LRP1B: variants seen among roughly 807,000 people sequenced by gnomAD.
LRP1B encodes LDL receptor related protein 1B.
In LRP1B, 217 loss-of-function variants were observed where a neutral mutation model predicts 556.6. The observed-to-expected ratio is 0.39, with a 90% CI of 0.35 to 0.44. LRP1B has a LOEUF of 0.44. LRP1B is among the 20% of genes least tolerant of loss of function. The probability of loss-of-function intolerance (pLI) is 1.00; values close to 1 mark genes in which losing one functional copy is unlikely to be tolerated. For synonymous variants in LRP1B, 2,047 were observed against 1,865.8 expected (o/e 1.10, Z -2.50); for missense variants, 5,053 against 5,620.8 (o/e 0.90, Z 3.23).
chr2:141,237,354 T>G (rs73962869), intron 5 of LRP1B, among the ~76,000 whole-genome samples: 14,030 of 45,246 alleles, frequency 0.31, 1,141 homozygotes, highest in African/African-American at 0.42. Flanking sequence ...TGTTCTAGTG[T>G]TTTTTTTTTT....
chr2:141,307,711 T>C (rs1234440716), intron 3 of LRP1B, among the ~76,000 whole-genome samples: 1 of 152,158 alleles, frequency 6.6e-6, no homozygotes, highest in Admixed American at 6.5e-5. Context: ...GTGATGACAG[T>C]GGTGGGCTGA....
At chr2:140,791,493 G>C (rs1187270223) in intron 32 of LRP1B, among the ~76,000 whole-genome samples, 1 of 151,980 alleles carries the variant, frequency 6.6e-6, no homozygotes, top group Non-Finnish European at 1.5e-5. Flanking sequence ...CGGCATTCTA[G>C]GCAGGTTGTG....
At chr2:141,928,018 C>T (rs1379497293) in intron 1 of LRP1B, among the ~76,000 whole-genome samples, 1 of 151,850 alleles carries the variant, frequency 6.6e-6, no homozygotes, top group Non-Finnish European at 1.5e-5. Flanking sequence ...TTTTCCTGTC[C>T]CTTCCTGTTT....
intron 35 of LRP1B, among the ~76,000 whole-genome samples, chr2:140,760,346 C>G (rs1192576772): frequency 6.6e-6 from 1 of 152,158 alleles, no homozygotes; most frequent in African/African-American, 2.4e-5. Context: ...TTGGCAGCAT[C>G]CCTGGCTTTC....
chr2:140,690,139 A>T (rs954928973), intron 41 of LRP1B, among the ~76,000 whole-genome samples: 1 of 152,118 alleles, frequency 6.6e-6, no homozygotes, highest in African/African-American at 2.4e-5. Flanking sequence ...GACCTGAAAA[A>T]AAAACCTTTA....
At chr2:141,949,294 A>G (rs1209830469) in intron 1 of LRP1B, among the ~76,000 whole-genome samples, 5 of 151,986 alleles carry the variant, frequency 3.3e-5, no homozygotes, top group African/African-American at 1.2e-4. Context: ...GCATTCAGAA[A>G]CTCACCGTCT....
chr2:140,767,194 T>C (rs1223347486), intron 35 of LRP1B, among the ~76,000 whole-genome samples: 1 of 151,976 alleles, frequency 6.6e-6, no homozygotes, highest in Admixed American at 6.6e-5. Context: ...TGCTGTATTC[T>C]GAGTAACAGT....
intron 21 of LRP1B, among the ~76,000 whole-genome samples, chr2:140,922,296 A>G (rs1200475237): frequency 3.1e-5 from 4 of 129,194 alleles, no homozygotes; most frequent in African/African-American, 1.1e-4. Flanking sequence ...ACACACACAC[A>G]CGCACACACG....
chr2:140,978,062 C>T (rs1012532438), intron 18 of LRP1B, among the ~76,000 whole-genome samples: 2 of 152,148 alleles, frequency 1.3e-5, no homozygotes, highest in African/African-American at 4.8e-5. Flanking sequence ...TTTACAAATT[C>T]TTCTTTCCAC....
chr2:140,733,532 C>T (rs1687845992), intron 35 of LRP1B, among the ~76,000 whole-genome samples: 1 of 152,128 alleles, frequency 6.6e-6, no homozygotes, highest in Non-Finnish European at 1.5e-5. Context: ...ATTAATGCCA[C>T]AAAGGCGCAC....
At chr2:141,930,244 T>C (rs1439667935) in intron 1 of LRP1B, among the ~76,000 whole-genome samples, 1 of 152,046 alleles carries the variant, frequency 6.6e-6, no homozygotes, top group African/African-American at 2.4e-5. Context: ...TTATAACCAG[T>C]TCCTCCATAA....
chr2:140,300,965 C>T (rs1275001258), intron 83 of LRP1B, among the ~76,000 whole-genome samples: 3 of 151,982 alleles, frequency 2.0e-5, no homozygotes, highest in East Asian at 1.9e-4. Flanking sequence ...TTATGTCTAC[C>T]AAGGTACTTA....
At chr2:140,862,928 C>A (rs1489728306) in intron 27 of LRP1B, among the ~76,000 whole-genome samples, 1 of 152,206 alleles carries the variant, frequency 6.6e-6, no homozygotes, top group Non-Finnish European at 1.5e-5. Context: ...ATCCTACACT[C>A]CATAATTGGC....
At chr2:141,726,430 A>G (rs547356559) in intron 2 of LRP1B, among the ~76,000 whole-genome samples, 20 of 152,070 alleles carry the variant, frequency 1.3e-4, no homozygotes, top group African/African-American at 4.3e-4. Context: ...CTGAAATGTC[A>G]TTTCCTACAA....
chr2:141,888,027 T>C (rs756886393), intron 1 of LRP1B, among the ~76,000 whole-genome samples: 7 of 152,204 alleles, frequency 4.6e-5, no homozygotes, highest in Non-Finnish European at 1.0e-4. Flanking sequence ...TTTATTAATA[T>C]CATAAATTGC....
intron 66 of LRP1B, among the ~76,000 whole-genome samples, chr2:140,410,384 T>C (rs1684922275): frequency 6.6e-6 from 1 of 152,032 alleles, no homozygotes; most frequent in Non-Finnish European, 1.5e-5. Context: ...CAGTACATGA[T>C]TGTTCTCTTG....
intron 20 of LRP1B, among the ~76,000 whole-genome samples, chr2:140,944,201 C>A (rs1695478922): frequency 6.6e-6 from 1 of 152,066 alleles, no homozygotes; most frequent in Non-Finnish European, 1.5e-5. Flanking sequence ...AAACACACAA[C>A]TTCCTAGATT....
intron 2 of LRP1B, among the ~76,000 whole-genome samples, chr2:141,544,352 C>CTTTTCTTCTT (rs1286682057): frequency 1.2e-4 from 11 of 89,640 alleles, no homozygotes; most frequent in African/African-American, 4.2e-4. Flanking sequence ...TCTTCTTCTT[C>CTTTTCTTCTT]TTCTTCTTCT....
intron 20 of LRP1B, among the ~76,000 whole-genome samples, chr2:140,940,497 T>C (rs1695367278): frequency 6.6e-6 from 1 of 152,180 alleles, no homozygotes; most frequent in Non-Finnish European, 1.5e-5. Flanking sequence ...AGTTTCATGA[T>C]AACTTTATTC....
Sources: allele counts gnomAD v4.1 joint callset (sites outside exome capture counted in the v4.1 genomes callset), GRCh38; gene constraint gnomAD v4.1.1; transcripts MANE v1.5; gene names NCBI Gene and HGNC (gene_info 2026-07-23, HGNC 2026-07-21).